Variants in NUDCD1 observed in about 807,000 individuals in gnomAD.
NUDCD1 encodes the protein nudC domain-containing protein 1.
NUDCD1 carries 60 observed loss-of-function variants against 67.8 expected under a neutral mutation model. The ratio of observed to expected loss-of-function variants is 0.88; its 90% CI spans 0.72 to 1.10. The LOEUF (loss-of-function observed/expected upper bound fraction) is 1.10, where lower values mean the gene tolerates loss of function less well. Ranked by LOEUF, NUDCD1 falls within the 50% of genes least tolerant of loss-of-function variation. The pLI is 0.00. For missense variants in NUDCD1, 643 were observed against 695.0 expected (o/e 0.93, Z 0.84); for synonymous variants, 244 against 230.8 (o/e 1.06, Z -0.52).
At chr8:109,250,709 G>A (rs763455601) in intron 8 of NUDCD1, among the ~76,000 whole-genome samples, 3 of 151,574 alleles carry the variant, frequency 2.0e-5, no homozygotes, top group Non-Finnish European at 4.4e-5. Context: ...TTCTTTTTCT[G>A]CAACTACTAG....
At chr8:109,326,054 G>C (rs1306486167) in intron 1 of NUDCD1, among the ~76,000 whole-genome samples, 1 of 152,164 alleles carries the variant, frequency 6.6e-6, no homozygotes. Context: ...CGATACTGCA[G>C]GAAAACTGCA....
intron 8 of NUDCD1, among the ~76,000 whole-genome samples, chr8:109,264,375 T>C (rs965822426): frequency 2.0e-5 from 3 of 152,200 alleles, no homozygotes; most frequent in Admixed American, 2.0e-4. Context: ...ATGAGGATAA[T>C]AGCCTGCCAA....
rs542706790 is a variant in NUDCD1 at position 109,243,067 on chromosome 8, C to G, written c.1694G>C (p.Arg565Thr). 3.1e-6 allele frequency: 5 copies of G among 1,606,666 alleles called. No homozygotes were observed. The African/African-American group carries it at 4.0e-5, about 13-fold the overall frequency. Residue 565 changes from arginine (R) to threonine (T), a missense_variant, in exon 10 of 10, where the codon AGA (arginine) becomes ACA (threonine). Arg to Thr is a moderately conservative substitution (Grantham distance 71). Coordinates refer to ENST00000239690, the MANE Select transcript of NUDCD1 (RefSeq NM_032869.4). ...GTTTTTGGTAGTAAGAACAAATAAT[C>G]TCTCATTTGTTGCCTGAAATCCTAA... ...PILGFQATNE[R>T]LFVLTTKNLF...
At chr8:109,284,197 C>T (rs1213883144) in intron 5 of NUDCD1, among the ~76,000 whole-genome samples, 1 of 151,936 alleles carries the variant, frequency 6.6e-6, no homozygotes, top group Admixed American at 6.6e-5. Flanking sequence ...GGACAAAGGG[C>T]ATTACATAAT....
rs565078516 is a variant in NUDCD1, at chr8:109,331,108, C to T, written c.118+2785G>A. 3.3e-5 allele frequency among the ~76,000 whole-genome samples: 5 copies of T among 151,940 alleles called. No individual in the cohort carries two copies. The East Asian group carries it at 7.7e-4, about 24-fold the overall frequency. On this transcript the variant is annotated intron_variant, in intron 1 of 9. Coordinates refer to ENST00000239690, the MANE Select transcript of NUDCD1 (RefSeq NM_032869.4). Reference sequence around the variant, plus strand: ...TGTTAATCCCAGCACTTTGGGAGGCCGAGGCAGGTGGATCGCGAGGTCAGG... The same window carrying T: ...TGTTAATCCCAGCACTTTGGGAGGCTGAGGCAGGTGGATCGCGAGGTCAGG...
At chr8:109,287,978 C>T (rs75059057) in intron 5 of NUDCD1, among the ~76,000 whole-genome samples, 3,147 of 152,102 alleles carry the variant, frequency 0.021, 110 homozygotes, top group African/African-American at 0.072. Flanking sequence ...TCTTTAAAAA[C>T]ATGTTATTAA....
intron 2 of NUDCD1, among the ~76,000 whole-genome samples, chr8:109,303,382 T>A (rs561433818): frequency 6.6e-6 from 1 of 152,316 alleles, no homozygotes; most frequent in East Asian, 1.9e-4. Context: ...TTCATCAATA[T>A]GGAGGCCACC....
intron 8 of NUDCD1, among the ~76,000 whole-genome samples, chr8:109,255,896 T>C (rs1161919978): frequency 6.6e-6 from 1 of 152,142 alleles, no homozygotes; most frequent in Non-Finnish European, 1.5e-5. Context: ...AACAGCATAA[T>C]GGCCAGTGCA....
At chr8:109,297,490 T>C (rs1814872402) in intron 2 of NUDCD1, among the ~76,000 whole-genome samples, 1 of 151,522 alleles carries the variant, frequency 6.6e-6, no homozygotes, top group Non-Finnish European at 1.5e-5. Flanking sequence ...TTAAGTAACC[T>C]TGGAGAAGGG....
At position 109,330,571 on chromosome 8, in the gene NUDCD1, A is replaced by G. The variant is rs577792097; in HGVS notation, c.118+3322T>C. Among the ~76,000 whole-genome samples the G allele has an allele frequency of 3.6e-4, 55 of 152,340 alleles. 1 individual carries two copies. In the South Asian group the frequency reaches 0.011, roughly 30 times the overall value. ...ATGTGAACTATTGCAAAAGCCTCCT[A>G]TCTGCTGTGTGCAGTCATCTCATCT... On this transcript the variant is annotated intron_variant, in intron 1 of 9. Coordinates refer to ENST00000239690, the MANE Select transcript of NUDCD1 (RefSeq NM_032869.4).
chr8:109,306,760 A>G (rs1293052553), intron 2 of NUDCD1, among the ~76,000 whole-genome samples: 2 of 151,780 alleles, frequency 1.3e-5, no homozygotes, highest in Non-Finnish European at 2.9e-5. Context: ...TAGTTTCTCA[A>G]TTCCTACAAA....
chr8:109,314,190 T>C (rs993623619), intron 2 of NUDCD1, among the ~76,000 whole-genome samples: 2 of 152,184 alleles, frequency 1.3e-5, no homozygotes, highest in Admixed American at 6.5e-5. Context: ...ACATAATCAT[T>C]TTCTTTTTCC....
chr8:109,328,594 C>T (rs1815732945), intron 1 of NUDCD1, among the ~76,000 whole-genome samples: 1 of 152,152 alleles, frequency 6.6e-6, no homozygotes, highest in African/African-American at 2.4e-5. Flanking sequence ...TAACTGCTCC[C>T]AATAAGCAGA....
chr8:109,298,633 A>C (rs1814901050), intron 2 of NUDCD1: 1 of 152,252 alleles, frequency 6.6e-6, no homozygotes, highest in Non-Finnish European at 1.5e-5. Flanking sequence ...AAGGGAGACA[A>C]GTATTTGTCA....
chr8:109,319,915 G>A (rs1246648429), intron 2 of NUDCD1, among the ~76,000 whole-genome samples: 1 of 152,126 alleles, frequency 6.6e-6, no homozygotes, highest in African/African-American at 2.4e-5. Flanking sequence ...GGCATCCGGG[G>A]GAGACATCAC....
chr8:109,292,645 C>T (rs1403054448), intron 4 of NUDCD1, among the ~76,000 whole-genome samples: 1 of 152,084 alleles, frequency 6.6e-6, no homozygotes, highest in African/African-American at 2.4e-5. Context: ...CAAGCACTCT[C>T]AGTACTCAAC....
chr8:109,258,424 A>G (rs1813787583), intron 8 of NUDCD1, among the ~76,000 whole-genome samples: 1 of 152,052 alleles, frequency 6.6e-6, no homozygotes, highest in East Asian at 1.9e-4. Context: ...TTTATTATCA[A>G]CTATCTATCA....
At chr8:109,314,569 C>T (rs948667604) in intron 2 of NUDCD1, among the ~76,000 whole-genome samples, 30 of 152,086 alleles carry the variant, frequency 2.0e-4, no homozygotes, top group Non-Finnish European at 3.4e-4. Flanking sequence ...GAAGAAACCA[C>T]TTCTGAAGAT....
chr8:109,294,994 T>C (rs1338891211), intron 3 of NUDCD1, among the ~76,000 whole-genome samples: 1 of 152,124 alleles, frequency 6.6e-6, no homozygotes, highest in Non-Finnish European at 1.5e-5. Flanking sequence ...CACCAGTATC[T>C]AGTCAAAACT....
Sources: allele counts gnomAD v4.1 joint callset (sites outside exome capture counted in the v4.1 genomes callset), GRCh38; gene constraint gnomAD v4.1.1; transcripts MANE v1.5; gene names NCBI Gene and HGNC (gene_info 2026-07-23, HGNC 2026-07-21).